Variants in NBAS observed in about 807,000 individuals in gnomAD.
NBAS encodes NBAS subunit of NRZ tethering complex.
Under a neutral mutation model 302.5 loss-of-function variants are expected in NBAS, and 219 were observed. That is an observed-to-expected ratio of 0.72 (90% CI 0.65 to 0.81). The LOEUF (loss-of-function observed/expected upper bound fraction) is 0.81, where lower values mean the gene tolerates loss of function less well. Among genes scored for constraint, NBAS ranks in the 30% least tolerant of loss-of-function variants. NBAS has a pLI of 0.00. For synonymous variants in NBAS, 1,118 were observed against 1,021.6 expected (o/e 1.09, Z -1.80); for missense variants, 2,932 against 2,841.6 (o/e 1.03, Z -0.72).
At chr2:15,098,964 C>CAT in the NBAS span, among the ~76,000 whole-genome samples, 21 of 150,958 alleles carry the variant, frequency 1.4e-4, no homozygotes, top group African/African-American at 2.4e-4. Flanking sequence ...CTCACACACA[C>CAT]ATATATATAT....
At chr2:15,406,331 CT>C (rs1401288424) in intron 25 of NBAS, among the ~76,000 whole-genome samples, 1 of 151,974 alleles carries the variant, frequency 6.6e-6, no homozygotes, top group Non-Finnish European at 1.5e-5. Context: ...TAATGGTAAA[CT>C]TTTTAATAAA....
At chr2:15,152,663 C>A in the NBAS span, among the ~76,000 whole-genome samples, 1 of 152,198 alleles carries the variant, frequency 6.6e-6, no homozygotes, top group East Asian at 1.9e-4. Context: ...GAGTGCTATG[C>A]TGTTCATGAA....
intron 48 of NBAS, among the ~76,000 whole-genome samples, chr2:15,199,576 C>T (rs955888740): frequency 6.6e-6 from 1 of 152,066 alleles, no homozygotes; most frequent in African/African-American, 2.4e-5. Flanking sequence ...TTATCAAATG[C>T]TTCAACATAT....
chr2:15,082,564 T>C, the NBAS span, among the ~76,000 whole-genome samples: 7 of 152,120 alleles, frequency 4.6e-5, no homozygotes, highest in African/African-American at 1.7e-4. Context: ...CCTACTTGGT[T>C]ATGCTCTTAC....
the NBAS span, among the ~76,000 whole-genome samples, chr2:15,121,051 T>C: frequency 6.6e-6 from 1 of 152,208 alleles, no homozygotes; most frequent in Non-Finnish European, 1.5e-5. Flanking sequence ...TTGCTCAATA[T>C]CGAATTCATC....
chr2:15,461,114 AT>A (rs1030240048), intron 21 of NBAS, 86 bp downstream of exon 21: 449 of 1,208,766 alleles, frequency 3.7e-4, no homozygotes, highest in Admixed American at 1.2e-3. Context: ...CATTAAAATT[AT>A]TTTTTTTAAC....
chr2:15,388,898 AT>A (rs1446281198), intron 28 of NBAS, among the ~76,000 whole-genome samples: 8 of 152,182 alleles, frequency 5.3e-5, no homozygotes, highest in African/African-American at 1.9e-4. Context: ...TATATACTAT[AT>A]AATTCCATTT....
At chr2:14,856,081 G>A in the NBAS span, among the ~76,000 whole-genome samples, 1 of 152,166 alleles carries the variant, frequency 6.6e-6, no homozygotes, top group South Asian at 2.1e-4. Context: ...GAGAGAGAGA[G>A]AAAGAGAGAG....
intron 21 of NBAS, among the ~76,000 whole-genome samples, chr2:15,443,073 T>TA (rs1170068932): frequency 6.6e-6 from 1 of 151,754 alleles, no homozygotes; most frequent in Non-Finnish European, 1.5e-5. Context: ...CTACCAGAGG[T>TA]ACAAGGAGGA....
intron 44 of NBAS, among the ~76,000 whole-genome samples, chr2:15,245,664 T>G (rs72776632): frequency 7.6e-6 from 1 of 132,322 alleles, no homozygotes; most frequent in African/African-American, 3.2e-5. Context: ...GACGGACGGA[T>G]GGATGGATGG....
intron 49 of NBAS, among the ~76,000 whole-genome samples, chr2:15,187,644 T>C (rs551653562): frequency 6.6e-6 from 1 of 152,206 alleles, no homozygotes; most frequent in Non-Finnish European, 1.5e-5. Flanking sequence ...TCCATTTCTA[T>C]TGACAAGTTA....
chr2:14,866,970 A>G, the NBAS span, among the ~76,000 whole-genome samples: 87,486 of 152,016 alleles, frequency 0.58, 27,610 homozygotes, highest in African/African-American at 0.86. Flanking sequence ...TCATAATAAT[A>G]ATATATGCCT....
chr2:15,330,755 C>T lies in NBAS; in HGVS notation c.4190G>A (p.Gly1397Asp). ...GTCAGCTGAATTGCTACCTGGAACA[C>T]CTACTTCATCCTGTATTAAAGAAAC... is the stretch of plus-strand genomic sequence containing the variant. ...TSKAVQEDEVGVPGSNSADLL... is the reference protein window; with the variant it reads ...TSKAVQEDEVDVPGSNSADLL... The change falls in exon 36 of 52, where the codon GGT becomes GAT. Residue 1397 changes from glycine (G) to aspartate (D), a missense_variant. By Grantham distance (94) the Gly-to-Asp change is moderately conservative. Transcript: ENST00000281513. The T allele has an allele frequency of 6.2e-7, 1 of 1,613,764 alleles. No homozygotes were observed. Among genetic ancestry groups the T allele is most frequent in the Non-Finnish European group, 8.5e-7 (1 of 1,179,828 alleles).
intron 44 of NBAS, among the ~76,000 whole-genome samples, chr2:15,242,702 ATTCTT>A (rs895519703): frequency 1.1e-4 from 16 of 151,918 alleles, no homozygotes; most frequent in African/African-American, 3.9e-4. Context: ...TATTCTTAAC[ATTCTT>A]TTCTTAAGCC....
intron 21 of NBAS, among the ~76,000 whole-genome samples, chr2:15,439,904 C>T (rs1247591405): frequency 6.6e-6 from 1 of 152,240 alleles, no homozygotes; most frequent in East Asian, 1.9e-4. Context: ...TCCCTGATTG[C>T]TAACACAGTT....
At chr2:15,539,461 T>A in intron 6 of NBAS, 105 bp from the exon 7 acceptor site, 1 of 1,358,988 alleles carries the variant, frequency 7.4e-7, no homozygotes, top group South Asian at 1.2e-5. Context: ...AATAATTACG[T>A]CATCTCCTAA....
chr2:15,416,043 G>C (rs907242376), intron 24 of NBAS, among the ~76,000 whole-genome samples: 4 of 151,986 alleles, frequency 2.6e-5, no homozygotes, highest in African/African-American at 9.7e-5. Flanking sequence ...CTACAACTCA[G>C]TCATGAGGTC....
intron 50 of NBAS, chr2:15,179,436 T>G (rs572054445): frequency 3.2e-6 from 1 of 316,020 alleles, no homozygotes; most frequent in African/African-American, 2.1e-5. Flanking sequence ...TCCTCATAAG[T>G]AAAATGTATG....
At chr2:15,120,732 G>A in the NBAS span, among the ~76,000 whole-genome samples, 3 of 152,224 alleles carry the variant, frequency 2.0e-5, no homozygotes, top group African/African-American at 7.2e-5. Flanking sequence ...CTGAGCCCCA[G>A]GAAGGGGAGA....
Sources: gnomAD v4.1 joint callset for allele counts (sites outside exome capture counted in the v4.1 genomes callset) on GRCh38, gnomAD v4.1.1 for gene constraint, MANE v1.5 for transcripts, NCBI Gene and HGNC (gene_info 2026-07-23, HGNC 2026-07-21) for gene names.